ENTREP2: variants seen among roughly 807,000 people sequenced by gnomAD.
The protein encoded by ENTREP2 is endosomal transmembrane epsin interactor 2.
the ENTREP2 span, among the ~76,000 whole-genome samples, chr15:29,163,985 A>G: frequency 6.6e-6 from 1 of 152,224 alleles, no homozygotes; most frequent in Non-Finnish European, 1.5e-5. Flanking sequence ...AAACCCTACA[A>G]GCTAGAAGGG....
chr15:29,597,583 G>A, the ENTREP2 span, among the ~76,000 whole-genome samples: 4 of 137,320 alleles, frequency 2.9e-5, no homozygotes, highest in African/African-American at 7.9e-5. Context: ...AAAAAAAAAA[G>A]ATTCATCCAT....
chr15:29,619,584 G>A, the ENTREP2 span, among the ~76,000 whole-genome samples: 1 of 152,072 alleles, frequency 6.6e-6, no homozygotes, highest in Non-Finnish European at 1.5e-5. Context: ...GCCTCTAGAG[G>A]GACAGACACA....
At chr15:29,577,301 G>C in the ENTREP2 span, among the ~76,000 whole-genome samples, 1 of 140,116 alleles carries the variant, frequency 7.1e-6, no homozygotes, top group Non-Finnish European at 1.6e-5. Flanking sequence ...ATTGAAAGCA[G>C]GGACTCAAAG....
the ENTREP2 span, among the ~76,000 whole-genome samples, chr15:29,491,150 G>T: frequency 6.6e-6 from 1 of 152,206 alleles, no homozygotes. Context: ...AGGGCCAGTG[G>T]CACCAGTTGG....
the ENTREP2 span, among the ~76,000 whole-genome samples, chr15:29,306,931 A>G: frequency 6.6e-6 from 1 of 152,144 alleles, no homozygotes; most frequent in South Asian, 2.1e-4. Context: ...ACATTTTAGT[A>G]GAGACAGGGT....
chr15:29,391,973 T>C, the ENTREP2 span, among the ~76,000 whole-genome samples: 10 of 152,278 alleles, frequency 6.6e-5, no homozygotes, highest in South Asian at 4.2e-4. Context: ...TACAGGTGCC[T>C]GCCACCATGC....
At chr15:29,645,408 CA>C in the ENTREP2 span, among the ~76,000 whole-genome samples, 1 of 152,180 alleles carries the variant, frequency 6.6e-6, no homozygotes, top group Admixed American at 6.5e-5. Flanking sequence ...AGTCAGACAT[CA>C]GGAGCATTTA....
chr15:29,511,761 A>T, the ENTREP2 span, among the ~76,000 whole-genome samples: 3 of 149,728 alleles, frequency 2.0e-5, no homozygotes, highest in Non-Finnish European at 3.0e-5. Flanking sequence ...CCAGCCTCGA[A>T]GGGTGCTCCC....
the ENTREP2 span, among the ~76,000 whole-genome samples, chr15:29,258,028 G>A: frequency 1.3e-5 from 2 of 151,922 alleles, no homozygotes; most frequent in Non-Finnish European, 2.9e-5. Flanking sequence ...TGGCTAACAC[G>A]GTGAAACCCC....
At chr15:29,275,692 T>G in the ENTREP2 span, among the ~76,000 whole-genome samples, 1 of 152,220 alleles carries the variant, frequency 6.6e-6, no homozygotes, top group African/African-American at 2.4e-5. Context: ...CGATAGCAAA[T>G]GCCTGCCAAG....
chr15:29,220,830 C>G, the ENTREP2 span, among the ~76,000 whole-genome samples: 1 of 151,876 alleles, frequency 6.6e-6, no homozygotes, highest in Non-Finnish European at 1.5e-5. Context: ...AAAAAACTAC[C>G]TGCTTTTCAT....
the ENTREP2 span, among the ~76,000 whole-genome samples, chr15:29,548,732 C>T: frequency 6.6e-6 from 1 of 152,096 alleles, no homozygotes; most frequent in Admixed American, 6.6e-5. Context: ...AACAACTGTA[C>T]CATGAAGCAC....
At chr15:29,537,364 C>T in the ENTREP2 span, among the ~76,000 whole-genome samples, 1 of 152,158 alleles carries the variant, frequency 6.6e-6, no homozygotes, top group African/African-American at 2.4e-5. Context: ...TGCCGTTATC[C>T]TTATATATAC....
At chr15:29,263,930 G>A in the ENTREP2 span, among the ~76,000 whole-genome samples, 2 of 152,084 alleles carry the variant, frequency 1.3e-5, 1 homozygote, top group Admixed American at 1.3e-4. Context: ...AGGCCGAAGT[G>A]GATCACGAGG....
At chr15:29,180,403 C>T in the ENTREP2 span, among the ~76,000 whole-genome samples, 4 of 152,278 alleles carry the variant, frequency 2.6e-5, no homozygotes, top group African/African-American at 7.2e-5. Flanking sequence ...CACTGGCTCA[C>T]GCCTGTAATC....
At chr15:29,309,067 CATAT>C in the ENTREP2 span, among the ~76,000 whole-genome samples, 1 of 152,154 alleles carries the variant, frequency 6.6e-6, no homozygotes, top group Non-Finnish European at 1.5e-5. Context: ...TCACATAAAA[CATAT>C]ATAAATTGGT....
At chr15:29,624,387 G>A in the ENTREP2 span, among the ~76,000 whole-genome samples, 14 of 152,188 alleles carry the variant, frequency 9.2e-5, no homozygotes, top group Admixed American at 5.9e-4. Flanking sequence ...CATCTAGCTC[G>A]GTTTTCTGGC....
At chr15:29,505,540 TG>T in the ENTREP2 span, among the ~76,000 whole-genome samples, 1 of 152,122 alleles carries the variant, frequency 6.6e-6, no homozygotes, top group South Asian at 2.1e-4. The surrounding 1 kb of genome is among the most constrained non-coding windows in gnomAD (Gnocchi z 4.3). Context: ...CCCTCTGAGA[TG>T]AAGCTTCCAG....
the ENTREP2 span, among the ~76,000 whole-genome samples, chr15:29,216,201 A>G: frequency 6.6e-6 from 1 of 152,174 alleles, no homozygotes; most frequent in Non-Finnish European, 1.5e-5. Flanking sequence ...TCTGAAAAAG[A>G]TGGTATCTTT....
Sources: gnomAD v4.1 joint callset for allele counts (sites outside exome capture counted in the v4.1 genomes callset) on GRCh38, gnomAD v4.1.1 for gene constraint, Gnocchi (gnomAD v3.1) non-coding constraint, MANE v1.5 for transcripts, NCBI Gene and HGNC (gene_info 2026-07-23, HGNC 2026-07-21) for gene names.